Variants in KIF24 observed in about 807,000 individuals in gnomAD.
KIF24 encodes kinesin family member 24, also known as kinesin-like protein KIF24.
KIF24 carries 81 observed loss-of-function variants against 118.9 expected under a neutral mutation model. The observed-to-expected ratio is 0.68, with a 90% confidence interval of 0.57 to 0.82. The LOEUF (loss-of-function observed/expected upper bound fraction) is 0.82, where lower values mean the gene tolerates loss of function less well. KIF24 is among the 40% of genes least tolerant of loss of function. The probability of loss-of-function intolerance (pLI) is 0.00; values close to 1 mark genes in which losing one functional copy is unlikely to be tolerated. For missense variants in KIF24, 1,560 were observed against 1,661.6 expected (o/e 0.94, Z 1.06); for synonymous variants, 599 against 610.0 (o/e 0.98, Z 0.27).
intron 8 of KIF24, among the ~76,000 whole-genome samples, chr9:34,268,015 C>T (rs112248573): frequency 6.6e-6 from 1 of 152,104 alleles, no homozygotes; most frequent in South Asian, 2.1e-4. Context: ...ATTTTATTGG[C>T]ACCTTGATTT....
chr9:34,277,960 G>A (rs1835715069), intron 6 of KIF24, among the ~76,000 whole-genome samples: 2 of 152,100 alleles, frequency 1.3e-5, no homozygotes, highest in African/African-American at 4.8e-5. Context: ...ACTTTTAAGG[G>A]TCTCAGTTTC....
chr9:34,254,981 CCA>C (rs1834764209), intron 12 of KIF24, 89 bp downstream of exon 12: 1 of 874,178 alleles, frequency 1.1e-6, no homozygotes, highest in Admixed American at 2.1e-5. Flanking sequence ...GACCCTTTCC[CCA>C]CACACAGCCA....
chr9:34,278,559 C>A (rs1835738234), intron 6 of KIF24, among the ~76,000 whole-genome samples: 1 of 150,214 alleles, frequency 6.7e-6, no homozygotes, highest in African/African-American at 2.5e-5. Context: ...ATCATGGGCT[C>A]CCTAGAGCAA....
chr9:34,255,170 G>C lies in KIF24; in HGVS notation c.3873-5C>G. ...TGTGCTCGGATGACCACCTGCCTGGGAACACCAGAGAGAACACTGTGATCT... is the reference window on the plus strand; with the variant it reads ...TGTGCTCGGATGACCACCTGCCTGGCAACACCAGAGAGAACACTGTGATCT... On this transcript the variant is annotated splice_polypyrimidine_tract_variant and splice_region_variant and intron_variant, in intron 11 of 12. Coordinates refer to ENST00000402558, the MANE Select transcript of KIF24 (RefSeq NM_194313.4). The C allele has an allele frequency of 1.3e-6, 2 of 1,537,652 alleles. No homozygotes were observed. The highest frequency in any genetic ancestry group is 1.9e-5 in the Admixed American group (1 of 53,364).
At chr9:34,303,363 CCTT>C (rs1183286966) in intron 3 of KIF24, among the ~76,000 whole-genome samples, 1 of 152,156 alleles carries the variant, frequency 6.6e-6, no homozygotes, top group Non-Finnish European at 1.5e-5. Flanking sequence ...TAGCAACTAT[CCTT>C]CTGTATTTTA....
rs1327748507 is a variant in KIF24, at chr9:34,253,000, C to CT, written c.*1379dup. On this transcript the variant is annotated 3_prime_UTR_variant, in exon 13 of 13. Transcript: ENST00000402558. Reference sequence around the variant, plus strand: ...ACCTTAATACTGTGCCATTGTCCCACTTGAGCTTTTGGCTAGACTGGGTCT... The same window carrying CT: ...ACCTTAATACTGTGCCATTGTCCCACTTTGAGCTTTTGGCTAGACTGGGTCT... 1 of 152,560 alleles carries CT rather than the reference C, an allele frequency of 6.6e-6. No individual in the cohort carries two copies. The highest frequency in any genetic ancestry group is 1.5e-5 in the Non-Finnish European group (1 of 68,128). The allele number at this position is 152,560 out of a possible 1,614,324, so 9.5% of individuals were successfully genotyped here. A position where few individuals can be genotyped will look rare whatever the true frequency, so the allele number is the denominator to read the frequency against.
intron 7 of KIF24, among the ~76,000 whole-genome samples, chr9:34,271,309 G>A (rs1835494402): frequency 7.2e-6 from 1 of 139,776 alleles, no homozygotes; most frequent in African/African-American, 2.6e-5. Context: ...AGAAACTTTT[G>A]CGGACAGCAA....
rs577980000 is a variant in KIF24, at chr9:34,317,218, C to CA, written c.-25-5848dup. 7.6e-3 allele frequency among the ~76,000 whole-genome samples: 981 copies of CA among 128,876 alleles called. 5 individuals carry two copies. Among genetic ancestry groups the CA allele is most frequent in the South Asian group, 0.033 (132 of 3,998 alleles). 84.5% of individuals were successfully genotyped at this position (128,876 alleles called of 152,430 possible). On this transcript the variant is annotated intron_variant, in intron 1 of 12. Coordinates refer to ENST00000402558, the MANE Select transcript of KIF24 (RefSeq NM_194313.4). ...GGGCAACAAGAGTGAAACTCTGTCTCAAAAAAAAAAAAGAAAAAAAAATTG... is the reference window on the plus strand; with the variant it reads ...GGGCAACAAGAGTGAAACTCTGTCTCAAAAAAAAAAAAAGAAAAAAAAATTG...
chr9:34,263,209 T>C (rs1156522999), intron 8 of KIF24, 37 bp from the exon 9 acceptor site: 2 of 1,528,918 alleles, frequency 1.3e-6, no homozygotes, highest in Non-Finnish European at 1.8e-6. Flanking sequence ...AAGTATCAAG[T>C]GCAAAGGGAG....
intron 1 of KIF24, among the ~76,000 whole-genome samples, chr9:34,321,844 C>A (rs961442756): frequency 6.6e-6 from 1 of 151,744 alleles, no homozygotes; most frequent in Admixed American, 6.6e-5. Flanking sequence ...TGGGCTCAAG[C>A]GATCCTCTTG....
chr9:34,333,261 C>A (rs57932502), upstream of KIF24, among the ~76,000 whole-genome samples: 2 of 152,100 alleles, frequency 1.3e-5, no homozygotes, highest in Non-Finnish European at 2.9e-5. Flanking sequence ...CCCTCTCCCC[C>A]CAACTAAAAC....
At chr9:34,330,421 A>C (rs1837876392), upstream of KIF24, among the ~76,000 whole-genome samples, 2 of 151,108 alleles carry the variant, frequency 1.3e-5, no homozygotes, top group African/African-American at 4.9e-5. Context: ...AAAACAAAAC[A>C]AAAAAAAACT....
rs1407856131 is a variant in KIF24 at position 34,252,623 on chromosome 9, T to C, written c.*1757A>G. 1 of 152,486 alleles carries C rather than the reference T, an allele frequency of 6.6e-6. No homozygotes were observed. The highest frequency in any genetic ancestry group is 2.4e-5 in the African/African-American group (1 of 41,444). The allele number at this position is 152,486 out of a possible 1,614,324, so 9.4% of individuals were successfully genotyped here. A position where few individuals can be genotyped will look rare whatever the true frequency, so the allele number is the denominator to read the frequency against. Reference sequence around the variant, plus strand: ...ATTTCTTGCTTAGATTTGCTGGGGATAGAATAGGACCTAACCGTTTTCTAT... The same window carrying C: ...ATTTCTTGCTTAGATTTGCTGGGGACAGAATAGGACCTAACCGTTTTCTAT... On this transcript the variant is annotated 3_prime_UTR_variant, in exon 13 of 13. Transcript: ENST00000402558.
chr9:34,307,500 C>G (rs757218486), intron 2 of KIF24, among the ~76,000 whole-genome samples: 11 of 151,648 alleles, frequency 7.3e-5, no homozygotes, highest in Non-Finnish European at 1.6e-4. Context: ...TCTTAACCAA[C>G]ATTTAGGGAC....
intron 1 of KIF24, among the ~76,000 whole-genome samples, chr9:34,321,137 A>G (rs1312063085): frequency 6.6e-6 from 1 of 152,186 alleles, no homozygotes; most frequent in Non-Finnish European, 1.5e-5. Flanking sequence ...CACCAAACAC[A>G]TTCTTATTCT....
upstream of KIF24, among the ~76,000 whole-genome samples, chr9:34,333,518 A>G (rs920322666): frequency 6.6e-6 from 1 of 151,958 alleles, no homozygotes; most frequent in Non-Finnish European, 1.5e-5. Flanking sequence ...TTGTAGTCCT[A>G]GCTACCCAGG....
At chr9:34,316,238 C>G (rs1837324598) in intron 1 of KIF24, among the ~76,000 whole-genome samples, 1 of 151,820 alleles carries the variant, frequency 6.6e-6, no homozygotes, top group Non-Finnish European at 1.5e-5. Flanking sequence ...ATCCCAGCTA[C>G]TCAGGAGGCT....
At chr9:34,267,280 A>G (rs999161659) in intron 8 of KIF24, among the ~76,000 whole-genome samples, 3 of 152,086 alleles carry the variant, frequency 2.0e-5, no homozygotes, top group Non-Finnish European at 4.4e-5. Flanking sequence ...AAAAATAAAT[A>G]AAATAAAATA....
intron 5 of KIF24, among the ~76,000 whole-genome samples, chr9:34,287,943 T>C (rs1836112091): frequency 6.6e-6 from 1 of 151,960 alleles, no homozygotes; most frequent in African/African-American, 2.4e-5. Flanking sequence ...GATCTAACTT[T>C]TAGAGCCCTG....
Sources: allele counts gnomAD v4.1 joint callset (sites outside exome capture counted in the v4.1 genomes callset), GRCh38; gene constraint gnomAD v4.1.1; transcripts MANE v1.5; gene names NCBI Gene and HGNC (gene_info 2026-07-23, HGNC 2026-07-21).